Variants in ZNF141 observed in about 807,000 individuals in gnomAD.
ZNF141 encodes zinc finger protein 141.
Under a neutral mutation model 11.3 loss-of-function variants are expected in ZNF141, and 7 were observed. That is an observed-to-expected ratio of 0.62 (90% confidence interval 0.35 to 1.16). The LOEUF (loss-of-function observed/expected upper bound fraction) is 1.16, where lower values mean the gene tolerates loss of function less well. Among genes scored for constraint, ZNF141 ranks in the 50% most tolerant of loss-of-function variants. The pLI is 0.02. For synonymous variants in ZNF141, 183 were observed against 190.7 expected (o/e 0.96, Z 0.33); for missense variants, 535 against 554.0 (o/e 0.97, Z 0.34).
chr4:380,142 T>C lies in ZNF141; in HGVS notation c.*6280T>C, dbSNP rs570976240. 8.5e-5 allele frequency among the ~76,000 whole-genome samples: 13 copies of C among 152,320 alleles called. No homozygotes were observed. The highest frequency in any genetic ancestry group is 1.8e-4 in the Non-Finnish European group (12 of 68,030). On this transcript the variant is annotated 3_prime_UTR_variant, in exon 4 of 4. Transcript: ENST00000240499. Reference sequence around the variant, plus strand: ...ATAGTGTCTTCCACATTTATCCACATTGTTTCAAATGAAAAGATTTCCTCC... The same window carrying C: ...ATAGTGTCTTCCACATTTATCCACACTGTTTCAAATGAAAAGATTTCCTCC...
rs3749523 is a variant in ZNF141, at chr4:337,951, G to T, written c.-33G>T. 0.14 allele frequency: 229,116 copies of T among 1,611,682 alleles called. 20,090 individuals carry two copies. Among genetic ancestry groups the T allele is most frequent in the African/African-American group, 0.43 (32,129 of 74,830 alleles). ...ACCTGCGGGTATTGGATGATTGGTA[G>T]CTAAGACTCCCGAATACTTCAGAAG... On this transcript the variant is annotated 5_prime_UTR_variant, in exon 1 of 4. Transcript: ENST00000240499.
Position 379,160 on chromosome 4 carries a change from G to T in ZNF141, c.*5298G>T, listed in dbSNP as rs992103029. Among the ~76,000 whole-genome samples the T allele has an allele frequency of 6.6e-6, 1 of 151,310 alleles. No individual in the cohort carries two copies. Among genetic ancestry groups the T allele is most frequent in the Non-Finnish European group, 1.5e-5 (1 of 67,760 alleles). On this transcript the variant is annotated 3_prime_UTR_variant, in exon 4 of 4. Coordinates refer to ENST00000240499, the MANE Select transcript of ZNF141 (RefSeq NM_003441.4). Reference sequence around the variant, plus strand: ...GCCCAGCCTCTCAGTGATTTTTGATGCAAATTCATTTACTGTGTTCACGAA... The same window carrying T: ...GCCCAGCCTCTCAGTGATTTTTGATTCAAATTCATTTACTGTGTTCACGAA...
At chr4:362,333 G>A (rs1342955401) in intron 3 of ZNF141, among the ~76,000 whole-genome samples, 2 of 152,166 alleles carry the variant, frequency 1.3e-5, no homozygotes, top group East Asian at 3.9e-4. Context: ...TAGGTTGCCT[G>A]TTCACTCTGA....
Position 382,352 on chromosome 4 carries a change from T to C in ZNF141, c.*8490T>C, listed in dbSNP as rs1427150843. On this transcript the variant is annotated 3_prime_UTR_variant, in exon 4 of 4. Coordinates refer to ENST00000240499, the MANE Select transcript of ZNF141 (RefSeq NM_003441.4). ...GTCCCTTCGAAGCATACTCTGCTGG[T>C]TGGCTAAATTGCACTGGGAAAAAAT... is the stretch of plus-strand genomic sequence containing the variant. 2.0e-5 allele frequency among the ~76,000 whole-genome samples: 3 copies of C among 152,124 alleles called. No individual in the cohort carries two copies. Among genetic ancestry groups the C allele is most frequent in the African/African-American group, 7.2e-5 (3 of 41,408 alleles).
At chr4:371,767 C>G (rs1231565671) in intron 3 of ZNF141, among the ~76,000 whole-genome samples, 1 of 151,532 alleles carries the variant, frequency 6.6e-6, no homozygotes, top group African/African-American at 2.4e-5. Flanking sequence ...GTCTCTATCT[C>G]CTGACCTCGT....
At chr4:358,183 C>CT (rs575102486) in intron 3 of ZNF141, 17,241 of 299,250 alleles carry the variant, frequency 0.058, 73 homozygotes, top group South Asian at 0.083. Context: ...GTTTCTCGTT[C>CT]TTTTTTTTTT....
At position 376,136 on chromosome 4, in the gene ZNF141, G is replaced by A. The variant is rs1171583982; in HGVS notation, c.*2274G>A. 6.6e-6 allele frequency among the ~76,000 whole-genome samples: 1 copy of A among 152,022 alleles called. No individual in the cohort carries two copies. The highest frequency in any genetic ancestry group is 1.5e-5 in the Non-Finnish European group (1 of 67,918). On this transcript the variant is annotated 3_prime_UTR_variant, in exon 4 of 4. Transcript: ENST00000240499. ...TTGAAATAATTGTTGCTTGAATGAA[G>A]TGTCATTATGCCACCAACTTAAACC...
intron 3 of ZNF141, among the ~76,000 whole-genome samples, chr4:351,703 C>A (rs1721611130): frequency 6.6e-6 from 1 of 152,090 alleles, no homozygotes; most frequent in Non-Finnish European, 1.5e-5. Context: ...AGACCTAAGC[C>A]TGTTGACTGC....
intron 3 of ZNF141, among the ~76,000 whole-genome samples, chr4:362,501 T>C (rs1233205668): frequency 1.3e-5 from 2 of 152,252 alleles, no homozygotes; most frequent in African/African-American, 4.8e-5. Context: ...CTAGGGTTTT[T>C]ATGGTTATAG....
Position 381,260 on chromosome 4 carries a change from A to G in ZNF141, c.*7398A>G, listed in dbSNP as rs1420532781. 6.6e-6 allele frequency among the ~76,000 whole-genome samples: 1 copy of G among 152,084 alleles called. No homozygotes were observed. The highest frequency in any genetic ancestry group is 1.9e-4 in the East Asian group (1 of 5,200). On this transcript the variant is annotated 3_prime_UTR_variant, in exon 4 of 4. Coordinates refer to ENST00000240499, the MANE Select transcript of ZNF141 (RefSeq NM_003441.4). ...CCAATTATCTTACACTGGCTCCCCA[A>G]ATAGGTTTTTATTTGTTTATAAAAC...
chr4:339,917 C>T (rs1322765969), intron 1 of ZNF141, among the ~76,000 whole-genome samples: 23 of 152,180 alleles, frequency 1.5e-4, no homozygotes, highest in African/African-American at 4.6e-4. Flanking sequence ...AATTAGGAAA[C>T]CCGGATGACC....
In ZNF141 at chr4:382,315, A is replaced by G. The variant is rs556373198; in HGVS notation, c.*8453A>G. 6.6e-6 allele frequency among the ~76,000 whole-genome samples: 1 copy of G among 152,288 alleles called. No individual in the cohort carries two copies. The highest frequency in any genetic ancestry group is 2.4e-5 in the African/African-American group (1 of 41,564). On this transcript the variant is annotated 3_prime_UTR_variant, in exon 4 of 4. Transcript: ENST00000240499. ...TAGCTGCTCCTAAATGTGGGGTCTT[A>G]GAAAACATCTTGTCCCTTCGAAGCA...
chr4:372,478 G>C (rs535475627), intron 3 of ZNF141, among the ~76,000 whole-genome samples, 186 bp from the exon 4 acceptor site: 1 of 152,344 alleles, frequency 6.6e-6, no homozygotes, highest in African/African-American at 2.4e-5. Flanking sequence ...CTCATTTATA[G>C]ATTTCACAGA....
chr4:373,672 A>G lies in ZNF141; in HGVS notation c.1235A>G (p.Gln412Arg). The G allele has an allele frequency of 1.2e-6, 2 of 1,614,202 alleles. No homozygotes were observed. Among genetic ancestry groups the G allele is most frequent in the Non-Finnish European group, 1.7e-6 (2 of 1,180,028 alleles). The change falls in exon 4 of 4, where the codon CAA (glutamine) becomes CGA (arginine). Residue 412 changes from glutamine (Q) to arginine (R), a missense_variant. Transcript: ENST00000240499. ...TTTAGACGGTCCACAGATCGGAGTC[A>G]ACATAAGAAAATTCATAGTGCAGAT... ...KAFRRSTDRS[Q>R]HKKIHSADKP...
intron 3 of ZNF141, among the ~76,000 whole-genome samples, chr4:371,134 A>T (rs73068223): frequency 0.061 from 8,968 of 148,074 alleles, 412 homozygotes; most frequent in African/African-American, 0.13. Context: ...ATATATATAT[A>T]TTTTAATTAT....
In ZNF141 at chr4:343,895, C is replaced by T. The variant is rs1721186057; in HGVS notation, c.117C>T (p.Asn39=). The T allele has an allele frequency of 6.2e-7, 1 of 1,602,622 alleles. No individual in the cohort carries two copies. The highest frequency in any genetic ancestry group is 1.4e-5 in the African/African-American group (1 of 74,032). ...ATGTGATGTTGGAGAACTACAGGAACCTGGTCTCCCTGGGTGAGGATAACT... is the reference window on the plus strand; with the variant it reads ...ATGTGATGTTGGAGAACTACAGGAATCTGGTCTCCCTGGGTGAGGATAACT... ...YRDVMLENYR[N]LVSLGVAISN... The change falls in exon 2 of 4, where the codon AAC becomes AAT. Residue 39 remains asparagine, a synonymous_variant. Coordinates refer to ENST00000240499, the MANE Select transcript of ZNF141 (RefSeq NM_003441.4).
At chr4:369,820 G>A (rs1553853352) in intron 3 of ZNF141, among the ~76,000 whole-genome samples, 1 of 132,162 alleles carries the variant, frequency 7.6e-6, no homozygotes, top group Non-Finnish European at 1.5e-5. Flanking sequence ...AGGCTGAAGT[G>A]CAATGGCATG....
In ZNF141 at chr4:383,136, T is replaced by C. The variant is rs1553855903; in HGVS notation, c.*9274T>C. On this transcript the variant is annotated 3_prime_UTR_variant, in exon 4 of 4. Coordinates refer to ENST00000240499, the MANE Select transcript of ZNF141 (RefSeq NM_003441.4). ...TGACAACAAGCCCATTTTAGCTTTC[T>C]GGAGAATAGCATCTGAGAAAAGCCA... The C allele has an allele frequency of 1.4e-6, 1 of 701,754 alleles. No individual in the cohort carries two copies. Among genetic ancestry groups the C allele is most frequent in the Non-Finnish European group, 2.6e-6 (1 of 384,604 alleles). 43.5% of individuals were successfully genotyped at this position (701,754 alleles called of 1,614,324 possible).
chr4:355,298 C>G lies in ZNF141; in HGVS notation c.226+10868C>G, dbSNP rs573921802. ...TCGGTTCACCACAACCTCTGCCTCC[C>G]AGGTTCAAGCAATTCACCTGCCTCA... On this transcript the variant is annotated intron_variant, in intron 3 of 3. Coordinates refer to ENST00000240499, the MANE Select transcript of ZNF141 (RefSeq NM_003441.4). 3.9e-5 allele frequency among the ~76,000 whole-genome samples: 6 copies of G among 152,146 alleles called. No individual in the cohort carries two copies. The South Asian group carries it at 1.0e-3, about 26-fold the overall frequency.
Sources: gnomAD v4.1 joint callset for allele counts (sites outside exome capture counted in the v4.1 genomes callset) on GRCh38, gnomAD v4.1.1 for gene constraint, MANE v1.5 for transcripts, NCBI Gene and HGNC (gene_info 2026-07-23, HGNC 2026-07-21) for gene names.